Variants in ARHGEF10L observed in about 807,000 individuals in gnomAD.
ARHGEF10L encodes rho guanine nucleotide exchange factor 10-like protein.
A neutral mutation model predicts 141.2 loss-of-function variants in ARHGEF10L; 69 were observed. That is an observed-to-expected ratio of 0.49 (90% CI 0.40 to 0.60). The LOEUF (loss-of-function observed/expected upper bound fraction) is 0.60, where lower values mean the gene tolerates loss of function less well. Ranked by LOEUF, ARHGEF10L falls within the 20% of genes least tolerant of loss-of-function variation. The pLI is 0.00. For synonymous variants in ARHGEF10L, 711 were observed against 718.5 expected (o/e 0.99, Z 0.17); for missense variants, 1,482 against 1,734.3 (o/e 0.85, Z 2.58).
At chr1:17,582,053 T>G (rs941902902) in intron 2 of ARHGEF10L, among the ~76,000 whole-genome samples, 1 of 152,136 alleles carries the variant, frequency 6.6e-6, no homozygotes. Flanking sequence ...TTGCAGGCTA[T>G]TAGGAAGGGC....
chr1:17,519,699 G>A, the ARHGEF10L span, among the ~76,000 whole-genome samples: 2 of 152,148 alleles, frequency 1.3e-5, no homozygotes, highest in South Asian at 4.1e-4. Context: ...GCTGGGCATG[G>A]TGGTGGGTGC....
At chr1:17,584,192 A>G (rs1319594902) in intron 2 of ARHGEF10L, among the ~76,000 whole-genome samples, 2 of 152,014 alleles carry the variant, frequency 1.3e-5, no homozygotes, top group Non-Finnish European at 2.9e-5. Context: ...CTACAGGTGT[A>G]TGCTACTACA....
Position 17,644,973 on chromosome 1 carries a change from A to AAT in ARHGEF10L, c.2273-3581_2273-3580insAT, listed in dbSNP as rs1332881172. 3.3e-5 allele frequency among the ~76,000 whole-genome samples: 5 copies of AAT among 152,056 alleles called. No individual in the cohort carries two copies. Among genetic ancestry groups the AAT allele is most frequent in the Non-Finnish European group, 7.4e-5 (5 of 67,998 alleles). On this transcript the variant is annotated intron_variant, in intron 21 of 28. Coordinates refer to ENST00000361221, the MANE Select transcript of ARHGEF10L (RefSeq NM_018125.4). This position sits in a 1 kb window ranked among gnomAD's most constrained non-coding sequence, Gnocchi z 4.5. ...GTAAGCACTTGGCTCCGTGTCACAT[A>AAT]GTGAGTTGGAGACTGAGGTGGGATC... is the stretch of plus-strand genomic sequence containing the variant.
the ARHGEF10L span, among the ~76,000 whole-genome samples, chr1:17,531,105 G>A: frequency 0.46 from 69,363 of 152,126 alleles, 16,426 homozygotes; most frequent in East Asian, 0.71. Context: ...AGACTGCAGA[G>A]CCTGGCGTAT....
At chr1:17,550,216 ATTC>A (rs1486575113) in intron 1 of ARHGEF10L, among the ~76,000 whole-genome samples, 1 of 152,192 alleles carries the variant, frequency 6.6e-6, no homozygotes, top group African/African-American at 2.4e-5. Context: ...TGACTTCTAG[ATTC>A]TTCTTTTGAG....
At chr1:17,532,191 C>A in the ARHGEF10L span, among the ~76,000 whole-genome samples, 3 of 152,212 alleles carry the variant, frequency 2.0e-5, no homozygotes, top group African/African-American at 7.2e-5. Flanking sequence ...GACACATCCC[C>A]TCTATCTTCA....
At chr1:17,675,647 G>T (rs955060273) in intron 26 of ARHGEF10L, among the ~76,000 whole-genome samples, 2 of 148,588 alleles carry the variant, frequency 1.3e-5, no homozygotes, top group African/African-American at 2.5e-5. Context: ...GTGTGCAGGT[G>T]TTGGTGCAGG....
chr1:17,564,004 C>T (rs1476952549), intron 1 of ARHGEF10L, among the ~76,000 whole-genome samples: 1 of 152,218 alleles, frequency 6.6e-6, no homozygotes, highest in Non-Finnish European at 1.5e-5. Flanking sequence ...GGTGCCCTTT[C>T]AAGGAGCCAG....
At chr1:17,608,907 C>T (rs2059396679) in intron 7 of ARHGEF10L, among the ~76,000 whole-genome samples, 1 of 152,164 alleles carries the variant, frequency 6.6e-6, no homozygotes, top group African/African-American at 2.4e-5. Context: ...CTTCAGCCTC[C>T]CAGGTAGCTG....
chr1:17,680,156 C>G (rs538992455), intron 26 of ARHGEF10L, among the ~76,000 whole-genome samples: 1 of 152,144 alleles, frequency 6.6e-6, no homozygotes, highest in Non-Finnish European at 1.5e-5. Context: ...ATAGAGTCTC[C>G]GTGAGGTGGG....
At chr1:17,655,482 T>A (rs2062186255) in intron 23 of ARHGEF10L, among the ~76,000 whole-genome samples, 1 of 116,230 alleles carries the variant, frequency 8.6e-6, no homozygotes, top group Non-Finnish European at 2.1e-5. Context: ...CATCCATCTA[T>A]CCATCCATCC....
intron 26 of ARHGEF10L, among the ~76,000 whole-genome samples, chr1:17,667,640 T>C (rs943986839): frequency 1.3e-5 from 2 of 152,058 alleles, no homozygotes; most frequent in Admixed American, 6.5e-5. Flanking sequence ...AATCTTTTAA[T>C]GAAAGGGTCT....
intron 1 of ARHGEF10L, among the ~76,000 whole-genome samples, chr1:17,562,587 T>C (rs1012118716): frequency 6.6e-6 from 1 of 152,244 alleles, no homozygotes; most frequent in Non-Finnish European, 1.5e-5. Context: ...GTGAGAGCAG[T>C]GCTGAGATTT....
Position 17,554,442 on chromosome 1 carries a change from C to G in ARHGEF10L, c.-44+14492C>G, listed in dbSNP as rs184393719. Among the ~76,000 whole-genome samples the G allele has an allele frequency of 2.0e-5, 3 of 152,042 alleles. No homozygotes were observed. In the East Asian group the frequency reaches 5.8e-4, roughly 30 times the overall value. On this transcript the variant is annotated intron_variant, in intron 1 of 28. Transcript: ENST00000361221. The stretch of plus-strand genomic sequence containing the variant: ...GAAGAGTTTTCAGGGATCATCTAGT[C>G]CACACATAGGACATCTCAGTCCCAG...
intron 28 of ARHGEF10L, 25 bp downstream of exon 28, chr1:17,695,305 G>T (rs767588473): frequency 1.3e-6 from 2 of 1,555,358 alleles, no homozygotes; most frequent in Middle Eastern, 2.0e-4. Flanking sequence ...GCTGGTGTTG[G>T]CAGGACCAGG....
intron 19 of ARHGEF10L, 42 bp downstream of exon 19, chr1:17,638,045 T>C (rs1311549751): frequency 1.3e-6 from 2 of 1,522,406 alleles, no homozygotes; most frequent in South Asian, 1.2e-5. Context: ...AGCTCCCCAG[T>C]GTGGGCAGTG....
chr1:17,619,356 G>T lies in ARHGEF10L; in HGVS notation c.853G>T (p.Asp285Tyr), dbSNP rs764884378. The T allele has an allele frequency of 6.2e-7, 1 of 1,613,274 alleles. No homozygotes were observed. The highest frequency in any genetic ancestry group is 1.3e-5 in the African/African-American group (1 of 75,030). Reference protein sequence around the residue: ...KDVLGDSEEEDMGLLEVSVSD... With the variant: ...KDVLGDSEEEYMGLLEVSVSD... ...CTTTCCAGGTGACTCGGAGGAGGAG[G>T]ACATGGGGCTCCTGGAGGTCAGCGT... Residue 285 changes from aspartate (D) to tyrosine (Y), a missense_variant, in exon 10 of 29, where the codon GAC becomes TAC. Coordinates refer to ENST00000361221, the MANE Select transcript of ARHGEF10L (RefSeq NM_018125.4). This position sits in a 1 kb window ranked among gnomAD's most constrained non-coding sequence, Gnocchi z 5.0.
intron 10 of ARHGEF10L, among the ~76,000 whole-genome samples, chr1:17,620,941 T>G (rs1054799576): frequency 5.3e-5 from 8 of 152,042 alleles, no homozygotes; most frequent in South Asian, 4.1e-4. Context: ...GCCAGGTGAC[T>G]GTGTTGGAAA....
chr1:17,568,194 T>C (rs1263200175), intron 1 of ARHGEF10L, among the ~76,000 whole-genome samples: 1 of 152,228 alleles, frequency 6.6e-6, no homozygotes, highest in Non-Finnish European at 1.5e-5. Flanking sequence ...CCGGTGCTGC[T>C]GTTCATTTAG....
Sources: gnomAD v4.1 joint callset for allele counts (sites outside exome capture counted in the v4.1 genomes callset) on GRCh38, gnomAD v4.1.1 for gene constraint, Gnocchi (gnomAD v3.1) non-coding constraint, MANE v1.5 for transcripts, NCBI Gene and HGNC (gene_info 2026-07-23, HGNC 2026-07-21) for gene names.